Variants in ASAP1 observed in about 807,000 individuals in gnomAD.
The protein encoded by ASAP1 is ArfGAP with SH3 domain, ankyrin repeat and PH domain 1, also known as arf-GAP with SH3 domain, ANK repeat and PH domain-containing protein 1.
A neutral mutation model predicts 145.2 loss-of-function variants in ASAP1; 43 were observed. The ratio of observed to expected loss-of-function variants is 0.30; its 90% CI spans 0.23 to 0.38. The LOEUF is 0.38. Among genes scored for constraint, ASAP1 ranks in the 10% least tolerant of loss-of-function variants. The pLI, the probability that ASAP1 is intolerant of heterozygous loss-of-function variation, is 1.00. For synonymous variants in ASAP1, 546 were observed against 515.5 expected (o/e 1.06, Z -0.80); for missense variants, 1,018 against 1,355.3 (o/e 0.75, Z 3.91).
chr8:130,330,884 G>A (rs115214408), intron 3 of ASAP1, among the ~76,000 whole-genome samples: 1,679 of 152,244 alleles, frequency 0.011, 29 homozygotes, highest in African/African-American at 0.039. Context: ...CCAATTCTAC[G>A]ATTCTCTGGG....
rs1818861002 is a variant in ASAP1 at position 130,246,469 on chromosome 8, C to T, written c.187-9475G>A. ...ACTGGATCATGGGGGTGGTTTCCCCCATTCTGTTATCATAATAGTGAGTGA... is the reference window on the plus strand; with the variant it reads ...ACTGGATCATGGGGGTGGTTTCCCCTATTCTGTTATCATAATAGTGAGTGA... On this transcript the variant is annotated intron_variant, in intron 3 of 29. Transcript: ENST00000518721. 2.0e-5 allele frequency among the ~76,000 whole-genome samples: 3 copies of T among 152,166 alleles called. No homozygotes were observed. In the South Asian group the frequency reaches 6.2e-4, roughly 32 times the overall value.
chr8:130,269,816 A>T (rs76048380), intron 3 of ASAP1, among the ~76,000 whole-genome samples: 3 of 152,138 alleles, frequency 2.0e-5, no homozygotes, highest in African/African-American at 7.2e-5. Context: ...GCATTAGATA[A>T]ATGTGCTAAG....
chr8:130,119,976 G>C (rs1187927244), intron 18 of ASAP1, among the ~76,000 whole-genome samples: 1 of 152,178 alleles, frequency 6.6e-6, no homozygotes, highest in Non-Finnish European at 1.5e-5. Flanking sequence ...GTTTCCAACA[G>C]CCCACAGTCA....
intron 3 of ASAP1, among the ~76,000 whole-genome samples, chr8:130,294,991 C>A (rs984275524): frequency 1.3e-5 from 2 of 152,144 alleles, no homozygotes; most frequent in Non-Finnish European, 2.9e-5. Context: ...AGGCTGGGAG[C>A]AGTGGTTCAC....
In ASAP1 at chr8:130,054,708, C is replaced by G. The variant is rs760415943; in HGVS notation, c.*23G>C. The G allele has an allele frequency of 6.2e-7, 1 of 1,604,036 alleles. No individual in the cohort carries two copies. The highest frequency in any genetic ancestry group is 2.2e-5 in the East Asian group (1 of 44,804). The stretch of plus-strand genomic sequence containing the variant: ...AGCAGTCTTGCATGAAGGATGTGGA[C>G]AATCTTAAGGTTCTGCGTTTTGCTA... On this transcript the variant is annotated 3_prime_UTR_variant, in exon 30 of 30. Transcript: ENST00000518721.
chr8:130,276,728 A>ACACACACACTCTCTCTCTCTCTCT, intron 3 of ASAP1, among the ~76,000 whole-genome samples: 1 of 87,270 alleles, frequency 1.1e-5, no homozygotes, highest in Non-Finnish European at 2.2e-5. Flanking sequence ...ACACACACAC[A>ACACACACACTCTCTCTCTCTCTCT]CTCTCTCTCT....
intron 9 of ASAP1, among the ~76,000 whole-genome samples, chr8:130,171,195 G>A (rs1490158208): frequency 6.6e-6 from 1 of 152,090 alleles, no homozygotes; most frequent in African/African-American, 2.4e-5. Context: ...CTAGTTGCCT[G>A]TTCTTTTTCA....
intron 3 of ASAP1, among the ~76,000 whole-genome samples, chr8:130,287,173 T>TGAACTCTTGTTCAG (rs143106166): frequency 0.1 from 15,881 of 152,164 alleles, 973 homozygotes; most frequent in South Asian, 0.28. Flanking sequence ...GTTCAAGGAC[T>TGAACTCTTGTTCAG]GAACTTTACA....
chr8:130,391,945 T>C (rs1452253990), intron 2 of ASAP1, among the ~76,000 whole-genome samples: 1 of 152,146 alleles, frequency 6.6e-6, no homozygotes, highest in Non-Finnish European at 1.5e-5. Context: ...ATTCCACATC[T>C]AGTGGTACAA....
intron 7 of ASAP1, among the ~76,000 whole-genome samples, chr8:130,183,613 A>G (rs1814518025): frequency 6.6e-6 from 1 of 152,170 alleles, no homozygotes; most frequent in South Asian, 2.1e-4. Flanking sequence ...AAGTGCTGGG[A>G]CCACAGGCAT....
intron 4 of ASAP1, among the ~76,000 whole-genome samples, chr8:130,220,450 AC>A (rs376189522): frequency 5.1e-4 from 77 of 152,312 alleles, no homozygotes; most frequent in African/African-American, 1.7e-3. Flanking sequence ...CCTTGATCAT[AC>A]AACTCATAAA....
chr8:130,324,097 A>C (rs1053730343), intron 3 of ASAP1, among the ~76,000 whole-genome samples: 4 of 152,194 alleles, frequency 2.6e-5, no homozygotes, highest in Admixed American at 2.6e-4. Flanking sequence ...CTCTGAGTCA[A>C]TCATCAAATC....
rs532480740 is a variant in ASAP1 at position 130,443,222 on chromosome 8, C to A, written c.-28+238G>T. 6.2e-3 allele frequency among the ~76,000 whole-genome samples: 935 copies of A among 151,078 alleles called. 9 individuals carry two copies. The highest frequency in any genetic ancestry group is 0.021 in the African/African-American group (832 of 40,584). Reference sequence around the variant, plus strand: ...GCTGGAGGCGAGGAGACCTCCCCCCCCCACCGGGCGGCCTCGCCCGGCCCC... The same window carrying A: ...GCTGGAGGCGAGGAGACCTCCCCCCACCACCGGGCGGCCTCGCCCGGCCCC... On this transcript the variant is annotated intron_variant, in intron 1 of 29. Transcript: ENST00000518721.
chr8:130,416,793 C>A (rs538875304), intron 1 of ASAP1, among the ~76,000 whole-genome samples: 14 of 152,328 alleles, frequency 9.2e-5, no homozygotes, highest in African/African-American at 3.1e-4. Context: ...AGTGGTAAAA[C>A]AGAAATCATA....
chr8:130,244,143 C>G (rs1441526553), intron 3 of ASAP1, among the ~76,000 whole-genome samples: 1 of 152,170 alleles, frequency 6.6e-6, no homozygotes, highest in Non-Finnish European at 1.5e-5. Context: ...AAGGCCCCAA[C>G]AGGTAGCATG....
chr8:130,312,780 T>G (rs1263319586), intron 3 of ASAP1, among the ~76,000 whole-genome samples: 3 of 152,150 alleles, frequency 2.0e-5, no homozygotes, highest in African/African-American at 7.2e-5. Context: ...GCACAGAAAT[T>G]TTCCCCCCTA....
At chr8:130,116,453 T>C (rs928939296) in intron 22 of ASAP1, among the ~76,000 whole-genome samples, 17 of 152,234 alleles carry the variant, frequency 1.1e-4, no homozygotes, top group Non-Finnish European at 1.6e-4. Context: ...GTAATAATAC[T>C]TGTGTAATGC....
rs1161312046 is a variant in ASAP1 at position 130,187,172 on chromosome 8, T to G, written c.530+64A>C. The G allele has an allele frequency of 7.0e-6, 10 of 1,427,242 alleles. No individual in the cohort carries two copies. In the African/African-American group the frequency reaches 1.2e-4, roughly 17 times the overall value. 88.4% of individuals were successfully genotyped at this position (1,427,242 alleles called of 1,614,324 possible). A position where few individuals can be genotyped will look rare whatever the true frequency, so the allele number is the denominator to read the frequency against. On this transcript the variant is annotated intron_variant, in intron 7 of 29. Transcript: ENST00000518721. ...CTTTTTCCAGTTAAGTTTTTTTTTT[T>G]GTTGTCCAAAATTCACAACAATATT...
At chr8:130,344,824 G>A (rs763004274) in intron 3 of ASAP1, among the ~76,000 whole-genome samples, 4 of 152,136 alleles carry the variant, frequency 2.6e-5, no homozygotes, top group East Asian at 1.9e-4. Context: ...AGCTACTAGC[G>A]CAAAACAGAC....
Sources: allele counts gnomAD v4.1 joint callset (sites outside exome capture counted in the v4.1 genomes callset), GRCh38; gene constraint gnomAD v4.1.1; transcripts MANE v1.5; gene names NCBI Gene and HGNC (gene_info 2026-07-23, HGNC 2026-07-21).